The following RALGAPA2 variants were observed in gnomAD, a reference collection of about 807,000 sequenced individuals.
The protein encoded by RALGAPA2 is Ral GTPase activating protein catalytic subunit alpha 2.
RALGAPA2 carries 139 observed loss-of-function variants against 230.4 expected under a neutral mutation model. The ratio of observed to expected loss-of-function variants is 0.60; its 90% CI spans 0.53 to 0.69. The LOEUF is 0.69. Among genes scored for constraint, RALGAPA2 ranks in the 30% least tolerant of loss-of-function variants. RALGAPA2 has a pLI of 0.00. For synonymous variants in RALGAPA2, 847 were observed against 837.8 expected (o/e 1.01, Z -0.19); for missense variants, 2,163 against 2,276.0 (o/e 0.95, Z 1.01).
intron 5 of RALGAPA2, 83 bp downstream of exon 5, chr20:20,643,423 C>G (rs2067107188): frequency 1.6e-6 from 2 of 1,273,434 alleles, no homozygotes; most frequent in African/African-American, 1.5e-5. Context: ...GATCTTTTTT[C>G]CAAAATGCCC....
At chr20:20,407,552 G>A (rs1299384840) in intron 38 of RALGAPA2, among the ~76,000 whole-genome samples, 1 of 152,210 alleles carries the variant, frequency 6.6e-6, no homozygotes, top group African/African-American at 2.4e-5. Context: ...AGGCTGGTGA[G>A]TTCTAAGAGG....
intron 37 of RALGAPA2, among the ~76,000 whole-genome samples, chr20:20,463,192 T>G (rs1416761556): frequency 6.6e-6 from 1 of 152,128 alleles, no homozygotes; most frequent in East Asian, 1.9e-4. Context: ...GGATTCAGTT[T>G]TTTTTTTTTC....
intron 36 of RALGAPA2, among the ~76,000 whole-genome samples, chr20:20,493,009 A>G (rs1345212605): frequency 6.6e-5 from 10 of 152,236 alleles, no homozygotes; most frequent in Non-Finnish European, 2.9e-5. Flanking sequence ...GTTAATGTTA[A>G]CATTGCTCCA....
chr20:20,643,507 T>C lies in RALGAPA2; in HGVS notation c.371A>G (p.Lys124Arg). ...KKLLHTGNSI[K>R]IRCEGIRLFL... ...GTCATTACACAATAAAATAAATACC[T>C]TAATAGAATTTCCAGTGTGTAGAAG... Residue 124 changes from lysine to arginine, a missense_variant and splice_region_variant, in exon 5 of 40, where the codon AAG becomes AGG. Transcript: ENST00000202677. 1 of 1,473,144 alleles carries C rather than the reference T, an allele frequency of 6.8e-7. No homozygotes were observed. Among genetic ancestry groups the C allele is most frequent in the Non-Finnish European group, 9.2e-7 (1 of 1,092,340 alleles). The allele number at this position is 1,473,144 out of a possible 1,614,324, so 91.3% of individuals were successfully genotyped here.
intron 36 of RALGAPA2, among the ~76,000 whole-genome samples, chr20:20,481,410 T>A (rs941908199): frequency 6.6e-6 from 1 of 152,192 alleles, no homozygotes; most frequent in African/African-American, 2.4e-5. Context: ...AATATTGCCA[T>A]GGATGGGCCT....
At chr20:20,603,943 C>T (rs1220010454) in intron 15 of RALGAPA2, among the ~76,000 whole-genome samples, 1 of 152,124 alleles carries the variant, frequency 6.6e-6, no homozygotes, top group East Asian at 1.9e-4. Flanking sequence ...AAATTCCTCC[C>T]AAGTCTCAGG....
chr20:20,680,925 C>G (rs2068497443), intron 1 of RALGAPA2, 124 bp from the exon 2 acceptor site: 2 of 1,425,854 alleles, frequency 1.4e-6, no homozygotes, highest in East Asian at 2.8e-5. Context: ...CAATACAAAA[C>G]AAAACAGTAT....
At chr20:20,604,594 C>G (rs1312487973) in intron 15 of RALGAPA2, among the ~76,000 whole-genome samples, 3 of 152,200 alleles carry the variant, frequency 2.0e-5, no homozygotes, top group Non-Finnish European at 4.4e-5. Flanking sequence ...AACCCGTGAC[C>G]CATGGGCCAC....
chr20:20,512,177 G>C (rs2062724226), intron 32 of RALGAPA2, among the ~76,000 whole-genome samples: 2 of 150,736 alleles, frequency 1.3e-5, no homozygotes, highest in South Asian at 4.2e-4. Context: ...AACAGAGCAA[G>C]ACTCTGTCTC....
At chr20:20,597,195 T>C (rs78552537) in intron 16 of RALGAPA2, among the ~76,000 whole-genome samples, 2,582 of 152,254 alleles carry the variant, frequency 0.017, 93 homozygotes, top group East Asian at 0.14. Flanking sequence ...CTTTTCACCA[T>C]GAAAAAAATT....
intron 37 of RALGAPA2, among the ~76,000 whole-genome samples, chr20:20,423,684 A>G (rs1365335151): frequency 3.3e-5 from 5 of 152,226 alleles, no homozygotes; most frequent in African/African-American, 4.8e-5. Context: ...CTCTCTTTCA[A>G]TATAATGTAA....
At chr20:20,577,410 C>T (rs765633449) in intron 20 of RALGAPA2, among the ~76,000 whole-genome samples, 5 of 152,168 alleles carry the variant, frequency 3.3e-5, no homozygotes, top group Admixed American at 3.3e-4. Flanking sequence ...CCTTCCCAAA[C>T]ACAGAAGCAC....
chr20:20,641,034 G>A (rs1457249825), intron 5 of RALGAPA2, among the ~76,000 whole-genome samples, 156 bp from the exon 6 acceptor site: 1 of 152,242 alleles, frequency 6.6e-6, no homozygotes, highest in Non-Finnish European at 1.5e-5. Flanking sequence ...CAAAGATGCT[G>A]CAATACAGCA....
At chr20:20,613,514 T>C (rs768793382) in intron 13 of RALGAPA2, among the ~76,000 whole-genome samples, 2 of 152,166 alleles carry the variant, frequency 1.3e-5, no homozygotes, top group Admixed American at 6.5e-5. Context: ...AAGCATAAAT[T>C]ATGTTATGTC....
chr20:20,704,934 C>T (rs995245549), intron 1 of RALGAPA2, among the ~76,000 whole-genome samples: 14 of 152,192 alleles, frequency 9.2e-5, no homozygotes, highest in African/African-American at 2.9e-4. Context: ...ATCCATTATT[C>T]AAAACCTACC....
intron 10 of RALGAPA2, among the ~76,000 whole-genome samples, chr20:20,628,184 G>A (rs996001376): frequency 4.6e-5 from 7 of 152,174 alleles, no homozygotes; most frequent in African/African-American, 1.7e-4. Context: ...TTGTGACTTT[G>A]TTTTTGGTTG....
chr20:20,454,769 G>C (rs538145904), intron 37 of RALGAPA2, among the ~76,000 whole-genome samples: 54 of 152,296 alleles, frequency 3.5e-4, no homozygotes, highest in Admixed American at 6.5e-4. Flanking sequence ...GACATCCAAT[G>C]TTCATTGTCT....
chr20:20,572,280 C>A (rs560614420), intron 21 of RALGAPA2, among the ~76,000 whole-genome samples: 1 of 151,516 alleles, frequency 6.6e-6, no homozygotes, highest in Non-Finnish European at 1.5e-5. Context: ...AAATTTAATA[C>A]ATGTGAATGT....
At chr20:20,626,501 A>T (rs1417911901) in intron 10 of RALGAPA2, among the ~76,000 whole-genome samples, 1 of 152,252 alleles carries the variant, frequency 6.6e-6, no homozygotes, top group Non-Finnish European at 1.5e-5. Context: ...TCAAAATTGA[A>T]TTTAGATTGG....
Sources: allele counts gnomAD v4.1 joint callset (sites outside exome capture counted in the v4.1 genomes callset), GRCh38; gene constraint gnomAD v4.1.1; transcripts MANE v1.5; gene names NCBI Gene and HGNC (gene_info 2026-07-23, HGNC 2026-07-21).